The following MEIOSIN variants were observed in gnomAD, a reference collection of about 807,000 sequenced individuals.
MEIOSIN encodes meiosis initiator.
Under a neutral mutation model 23.4 loss-of-function variants are expected in MEIOSIN, and 18 were observed. The observed-to-expected ratio is 0.77, with a 90% CI of 0.53 to 1.14. MEIOSIN has a LOEUF of 1.14. MEIOSIN is among the 50% of genes most tolerant of loss of function. The pLI, the probability that MEIOSIN is intolerant of heterozygous loss-of-function variation, is 0.00. For synonymous variants in MEIOSIN, 187 were observed against 100.6 expected (o/e 1.86, Z -5.14); for missense variants, 428 against 242.9 (o/e 1.76, Z -5.07).
chr19:45,751,524 T>C (rs887136696), intron 5 of MEIOSIN, among the ~76,000 whole-genome samples: 1 of 151,542 alleles, frequency 6.6e-6, no homozygotes, highest in Non-Finnish European at 1.5e-5. Context: ...TTTTGTTTTG[T>C]TTTGTTTTTT....
intron 5 of MEIOSIN, among the ~76,000 whole-genome samples, chr19:45,751,700 T>C (rs904729244): frequency 1.3e-5 from 2 of 149,600 alleles, no homozygotes; most frequent in Admixed American, 6.8e-5. Flanking sequence ...AGGGGACTGC[T>C]ATGTTCCAGG....
intron 2 of MEIOSIN, 133 bp downstream of exon 2, chr19:45,735,580 C>G (rs919038206): frequency 8.7e-6 from 5 of 575,004 alleles, no homozygotes; most frequent in Non-Finnish European, 1.6e-5. Context: ...ACTGTTAATC[C>G]ATACAACAAT....
intron 11 of MEIOSIN, among the ~76,000 whole-genome samples, chr19:45,760,835 G>A (rs1968922122): frequency 6.6e-6 from 1 of 151,620 alleles, no homozygotes; most frequent in Admixed American, 6.6e-5. Flanking sequence ...GTCTGAGGCA[G>A]GAGAATCACT....
chr19:45,735,117 C>T (rs192764004), intron 1 of MEIOSIN, among the ~76,000 whole-genome samples: 38 of 152,212 alleles, frequency 2.5e-4, no homozygotes, highest in South Asian at 1.0e-3. Flanking sequence ...TGGTCTCAAA[C>T]TCCTGACCTC....
intron 3 of MEIOSIN, among the ~76,000 whole-genome samples, chr19:45,742,423 T>C (rs1968521603): frequency 6.6e-6 from 1 of 151,986 alleles, no homozygotes; most frequent in South Asian, 2.1e-4. Flanking sequence ...GAGGTTACAG[T>C]GAGCTATGAT....
At chr19:45,762,956 G>A (rs773925294) in intron 13 of MEIOSIN, among the ~76,000 whole-genome samples, 49 of 152,308 alleles carry the variant, frequency 3.2e-4, no homozygotes, top group Non-Finnish European at 5.7e-4. Context: ...AGCGACCCCG[G>A]GAGGAGGAGA....
rs1555784653 is a variant in MEIOSIN at position 45,762,424 on chromosome 19, T to TTTTG, written c.1679+244_1679+245insGTTT. Among the ~76,000 whole-genome samples, 3 of 152,280 alleles carry TTTTG rather than the reference T, an allele frequency of 2.0e-5. No homozygotes were observed. In the East Asian group the frequency reaches 5.8e-4, roughly 29 times the overall value. ...TTAGACTTCAGAAAAAAAGGAGTTT[T>TTTTG]TTTTGTTTTGTTTTGTTTTTTGAGA... On this transcript the variant is annotated intron_variant, in intron 13 of 14. Transcript: ENST00000457052.
At chr19:45,753,168 G>A (rs772792711) in intron 5 of MEIOSIN, among the ~76,000 whole-genome samples, 1 of 152,142 alleles carries the variant, frequency 6.6e-6, no homozygotes, top group Non-Finnish European at 1.5e-5. Flanking sequence ...GAAAGACACT[G>A]TTCGGAGTGA....
intron 3 of MEIOSIN, among the ~76,000 whole-genome samples, chr19:45,742,633 GC>G (rs1370105636): frequency 1.8e-4 from 28 of 152,032 alleles, no homozygotes; most frequent in Middle Eastern, 3.4e-3. Flanking sequence ...CAAAAAATTA[GC>G]CAGGCGTGGT....
Position 45,752,167 on chromosome 19 carries a change from C to T in MEIOSIN, c.418+1381C>T, listed in dbSNP as rs531832958. Among the ~76,000 whole-genome samples, 157 of 151,910 alleles carry T rather than the reference C, an allele frequency of 1.0e-3. 1 individual carries two copies. Among genetic ancestry groups the T allele is most frequent in the African/African-American group, 3.2e-3 (133 of 41,468 alleles). On this transcript the variant is annotated intron_variant, in intron 5 of 14. Transcript: ENST00000457052. ...TCCAGGGGTCAAGCAATCCTCCTGC[C>T]GCAGACTTCTAAGCAGCTTGTACTA...
intron 5 of MEIOSIN, among the ~76,000 whole-genome samples, chr19:45,753,142 G>A (rs1968748782): frequency 1.3e-5 from 2 of 152,120 alleles, no homozygotes; most frequent in Admixed American, 1.3e-4. Flanking sequence ...TGAGAGACTG[G>A]AGTCAGGGAG....
intron 2 of MEIOSIN, among the ~76,000 whole-genome samples, chr19:45,737,369 G>A (rs1338438548): frequency 2.0e-5 from 3 of 150,854 alleles, no homozygotes; most frequent in Non-Finnish European, 4.4e-5. Context: ...TCGTAGAAAT[G>A]GGTTTTTGCC....
chr19:45,757,808 A>G (rs1236124561), intron 9 of MEIOSIN, among the ~76,000 whole-genome samples: 5 of 150,408 alleles, frequency 3.3e-5, no homozygotes, highest in Non-Finnish European at 7.4e-5. Context: ...GGCATGAACC[A>G]CCCCTCCGAA....
chr19:45,753,365 G>A (rs185032636), intron 5 of MEIOSIN, among the ~76,000 whole-genome samples: 13 of 152,236 alleles, frequency 8.5e-5, no homozygotes, highest in African/African-American at 2.9e-4. Context: ...TGGTGTGGGC[G>A]GGGAGAGGGT....
At chr19:45,756,307 C>T (rs543374856) in intron 8 of MEIOSIN, among the ~76,000 whole-genome samples, 2 of 152,370 alleles carry the variant, frequency 1.3e-5, no homozygotes, top group South Asian at 2.1e-4. Flanking sequence ...ACCTGTTGCC[C>T]CTCCATCCCA....
intron 14 of MEIOSIN, among the ~76,000 whole-genome samples, chr19:45,763,664 G>A (rs1295613134): frequency 2.0e-5 from 3 of 152,140 alleles, no homozygotes; most frequent in African/African-American, 4.8e-5. Context: ...TTCTTTTGCT[G>A]TCTCTGCCAC....
intron 3 of MEIOSIN, among the ~76,000 whole-genome samples, chr19:45,741,782 A>G (rs1473751685): frequency 3.3e-5 from 5 of 152,230 alleles, no homozygotes; most frequent in Admixed American, 1.3e-4. Context: ...AATTAATGAA[A>G]GAAATAAGAT....
chr19:45,747,346 TG>T (rs1240944878), intron 4 of MEIOSIN, among the ~76,000 whole-genome samples: 1 of 152,210 alleles, frequency 6.6e-6, no homozygotes, highest in Non-Finnish European at 1.5e-5. Context: ...GTTAGAGACT[TG>T]GGGTGCAGCT....
At chr19:45,747,863 G>A (rs1472493686) in intron 4 of MEIOSIN, among the ~76,000 whole-genome samples, 1 of 152,166 alleles carries the variant, frequency 6.6e-6, no homozygotes, top group East Asian at 1.9e-4. Context: ...ACTTTGGGAG[G>A]CTGAAGCAGG....
Sources: gnomAD v4.1 joint callset for allele counts (sites outside exome capture counted in the v4.1 genomes callset) on GRCh38, gnomAD v4.1.1 for gene constraint, MANE v1.5 for transcripts, NCBI Gene and HGNC (gene_info 2026-07-23, HGNC 2026-07-21) for gene names.